The following HYDIN variants were observed in gnomAD, a reference collection of about 807,000 sequenced individuals.
HYDIN encodes axonemal central pair apparatus protein HYDIN.
In HYDIN, 132 loss-of-function variants were observed where a neutral mutation model predicts 403.9. That is an observed-to-expected ratio of 0.33 (90% confidence interval 0.28 to 0.38). The LOEUF is 0.38. HYDIN is among the 10% of genes least tolerant of loss of function. The pLI, the probability that HYDIN is intolerant of heterozygous loss-of-function variation, is 1.00. For synonymous variants in HYDIN, 1,202 were observed against 1,891.7 expected, an observed-to-expected ratio of 0.64 and a Z score of 9.46; for missense variants, 2,827 against 5,009.5, an observed-to-expected ratio of 0.56 and a Z score of 13.15.
chr16:71,153,465 G>A (rs1045573398), intron 6 of HYDIN, among the ~76,000 whole-genome samples: 3 of 151,710 alleles, frequency 2.0e-5, no homozygotes, highest in Non-Finnish European at 2.9e-5. Context: ...TTTTAAAACC[G>A]CAAGGAGAGG....
chr16:70,984,438 G>GA (rs983309284), intron 28 of HYDIN, among the ~76,000 whole-genome samples: 8 of 138,542 alleles, frequency 5.8e-5, no homozygotes, highest in East Asian at 2.0e-4. Context: ...GACAAATTGG[G>GA]AAAAAAAACC....
chr16:71,089,076 G>A (rs959711623), intron 11 of HYDIN, among the ~76,000 whole-genome samples: 12 of 144,450 alleles, frequency 8.3e-5, no homozygotes, highest in African/African-American at 3.1e-4. Flanking sequence ...TTTCATCTCA[G>A]ATTCTACTGG....
chr16:70,956,258 CA>C (rs4028339), intron 39 of HYDIN, among the ~76,000 whole-genome samples: 113,695 of 133,682 alleles, frequency 0.85, 47,670 homozygotes, highest in Middle Eastern at 0.95. Flanking sequence ...ACTTTCATTA[CA>C]AAAAAAAAAA....
chr16:70,860,960 G>A (rs2039372517), intron 69 of HYDIN, 59 bp from the exon 70 acceptor site: 4 of 959,906 alleles, frequency 4.2e-6, no homozygotes, highest in Non-Finnish European at 6.4e-6. Context: ...TGCTTTCTTA[G>A]TTGGTTGGAA....
At chr16:71,221,217 G>A (rs2144758888) in intron 1 of HYDIN, among the ~76,000 whole-genome samples, 1 of 151,816 alleles carries the variant, frequency 6.6e-6, no homozygotes, top group African/African-American at 2.4e-5. Context: ...GCTGAATGCA[G>A]GGGACGATTC....
At chr16:70,989,990 G>A (rs2079293617) in intron 25 of HYDIN, among the ~76,000 whole-genome samples, 1 of 152,202 alleles carries the variant, frequency 6.6e-6, no homozygotes. Flanking sequence ...AAGCAAGATG[G>A]TCGAGTCTTC....
chr16:70,866,580 G>A (rs2143637185), intron 66 of HYDIN, among the ~76,000 whole-genome samples: 2 of 152,030 alleles, frequency 1.3e-5, no homozygotes, highest in East Asian at 3.9e-4. Context: ...AAATCCAGGT[G>A]GGCCAAGAGC....
At chr16:71,157,727 T>G (rs1304138120) in intron 6 of HYDIN, among the ~76,000 whole-genome samples, 1 of 146,476 alleles carries the variant, frequency 6.8e-6, no homozygotes, top group African/African-American at 2.5e-5. Flanking sequence ...ACAAAAATAT[T>G]TGCAAACAGG....
intron 45 of HYDIN, among the ~76,000 whole-genome samples, chr16:70,934,627 G>C (rs1160011309): frequency 2.0e-5 from 3 of 151,830 alleles, no homozygotes; most frequent in Admixed American, 2.0e-4. Flanking sequence ...GTCCCCCTAG[G>C]GAACATGATT....
Position 70,970,605 on chromosome 16 carries a change from G to A in HYDIN, c.5534C>T (p.Ala1845Val), listed in dbSNP as rs2078704847. Residue 1845 changes from alanine to valine, a missense_variant, in exon 36 of 86, where the codon GCC (alanine) becomes GTC (valine). Physicochemically the swap from Ala to Val is moderately conservative, Grantham distance 64. Coordinates refer to ENST00000393567, the MANE Select transcript of HYDIN (RefSeq NM_001270974.2). ...GCAGGGATTCTTCACTATCACCTCG[G>A]CCTCGTCTCCAGGTGCACAAAGTAG... ...PLLLCAPGDE[A>V]EVIVKNPCNF... The A allele has an allele frequency of 7.2e-7, 1 of 1,384,106 alleles. No individual in the cohort carries two copies. Among genetic ancestry groups the A allele is most frequent in the Non-Finnish European group, 1.0e-6 (1 of 974,086 alleles). The allele number at this position is 1,384,106 out of a possible 1,614,324, so 85.7% of individuals were successfully genotyped here. A position where few individuals can be genotyped will look rare whatever the true frequency, so the allele number is the denominator to read the frequency against.
chr16:70,991,734 GT>G (rs1484252643), intron 24 of HYDIN, among the ~76,000 whole-genome samples: 5 of 151,508 alleles, frequency 3.3e-5, no homozygotes, highest in African/African-American at 9.7e-5. Context: ...GCTCAATGTT[GT>G]TTCCCTATTT....
Position 71,141,254 on chromosome 16 carries a change from A to C in HYDIN, c.842-3902T>G, listed in dbSNP as rs532928006. On this transcript the variant is annotated intron_variant, in intron 7 of 85. Transcript: ENST00000393567. ...TATAAAGACATATTTGTAAAAAAAA[A>C]AAAAGTATTGTTAGGACAACTTCAT... 5.9e-5 allele frequency among the ~76,000 whole-genome samples: 9 copies of C among 151,644 alleles called. No homozygotes were observed. In the South Asian group the frequency reaches 1.9e-3, roughly 32 times the overall value.
Position 70,806,358 on chromosome 16 carries a change from GCTT to G in HYDIN, c.*1219_*1221del, listed in dbSNP as rs150594485. ...TGTGTTTACAGACATTCTAGAAAAA[GCTT>G]TTTTGGTCCTAGAGTATACTGGGCT... On this transcript the variant is annotated 3_prime_UTR_variant, in exon 86 of 86. Transcript: ENST00000393567. Among the ~76,000 whole-genome samples, 5,363 of 152,174 alleles carry G rather than the reference GCTT, an allele frequency of 0.035. 298 individuals are homozygous for G. The highest frequency in any genetic ancestry group is 0.12 in the African/African-American group (5,147 of 41,484).
At chr16:70,842,551 T>C (rs2037900596) in intron 75 of HYDIN, among the ~76,000 whole-genome samples, 1 of 152,238 alleles carries the variant, frequency 6.6e-6, no homozygotes, top group South Asian at 2.1e-4. Flanking sequence ...CTAGCTCTTG[T>C]TGGTTACTAT....
intron 13 of HYDIN, among the ~76,000 whole-genome samples, chr16:71,073,711 T>C (rs1447955313): frequency 6.6e-6 from 1 of 152,214 alleles, no homozygotes; most frequent in Non-Finnish European, 1.5e-5. Flanking sequence ...TGCAGATATT[T>C]ACCTGGGCCT....
At chr16:71,187,653 C>T (rs1455958944) in intron 1 of HYDIN, among the ~76,000 whole-genome samples, 1 of 151,546 alleles carries the variant, frequency 6.6e-6, no homozygotes, top group Non-Finnish European at 1.5e-5. Flanking sequence ...CCATTAAAAA[C>T]AAACAAACAA....
rs2035022456 is a variant in HYDIN at position 70,804,478 on chromosome 16, G to A, written c.*3102C>T. Among the ~76,000 whole-genome samples the A allele has an allele frequency of 6.6e-6, 1 of 152,192 alleles. No homozygotes were observed. Among genetic ancestry groups the A allele is most frequent in the South Asian group, 2.1e-4 (1 of 4,818 alleles). ...AGGGTGAAGGGCTGAAAAACCAGGTGACTGATTGGTTGGGTAAGACGGATG... is the reference window on the plus strand; with the variant it reads ...AGGGTGAAGGGCTGAAAAACCAGGTAACTGATTGGTTGGGTAAGACGGATG... On this transcript the variant is annotated 3_prime_UTR_variant, in exon 86 of 86. Coordinates refer to ENST00000393567, the MANE Select transcript of HYDIN (RefSeq NM_001270974.2).
intron 1 of HYDIN, among the ~76,000 whole-genome samples, chr16:71,198,892 T>C (rs956745755): frequency 2.0e-5 from 3 of 152,232 alleles, no homozygotes; most frequent in South Asian, 2.1e-4. Context: ...TCTTAAGCTA[T>C]AGTAGTTGAG....
chr16:70,810,093 G>A, intron 84 of HYDIN, 86 bp from the exon 85 acceptor site: 1 of 1,263,684 alleles, frequency 7.9e-7, no homozygotes, highest in Admixed American at 1.7e-5. Context: ...CTCCATAGCA[G>A]GTTGGGGGCA....
Sources: gnomAD v4.1 joint callset for allele counts (sites outside exome capture counted in the v4.1 genomes callset) on GRCh38, gnomAD v4.1.1 for gene constraint, MANE v1.5 for transcripts, NCBI Gene and HGNC (gene_info 2026-07-23, HGNC 2026-07-21) for gene names.